Variants in DRC10 observed in about 807,000 individuals in gnomAD.
The protein encoded by DRC10 is IQ domain-containing protein D.
At chr12:113,200,540 A>AC in the DRC10 span, 2 of 576,788 alleles carry the variant, frequency 3.5e-6, no homozygotes, top group Non-Finnish European at 6.1e-6. Flanking sequence ...CCCCCCCACC[A>AC]GGGGCCCCCT....
At chr12:113,205,534 TC>T in the DRC10 span, among the ~76,000 whole-genome samples, 1 of 152,104 alleles carries the variant, frequency 6.6e-6, no homozygotes, top group African/African-American at 2.4e-5. Flanking sequence ...GGTAGTAACC[TC>T]TCTTAGAACC....
chr12:113,208,200 A>G, the DRC10 span: 1 of 1,578,864 alleles, frequency 6.3e-7, no homozygotes, highest in Non-Finnish European at 8.6e-7. Context: ...CTGTAGGTCC[A>G]CAGAGATGGA....
At chr12:113,204,205 A>G in the DRC10 span, among the ~76,000 whole-genome samples, 1 of 152,248 alleles carries the variant, frequency 6.6e-6, no homozygotes, top group Non-Finnish European at 1.5e-5. Flanking sequence ...AATGCACTCA[A>G]GCCTGGGTGA....
the DRC10 span, among the ~76,000 whole-genome samples, chr12:113,196,892 C>T: frequency 2.0e-5 from 3 of 152,268 alleles, no homozygotes; most frequent in South Asian, 2.1e-4. Context: ...ACCGAATCCC[C>T]GCCATGGTCC....
chr12:113,207,927 C>T, the DRC10 span: 5,175 of 1,614,220 alleles, frequency 3.2e-3, 112 homozygotes, highest in African/African-American at 0.056. Flanking sequence ...CCAGCATCCC[C>T]TCCATATCCT....
the DRC10 span, among the ~76,000 whole-genome samples, chr12:113,204,638 G>A: frequency 1.3e-5 from 2 of 152,188 alleles, no homozygotes; most frequent in African/African-American, 4.8e-5. Flanking sequence ...GAAAAAGTTG[G>A]GGCCAGGTGC....
chr12:113,195,588 T>C, the DRC10 span: 1 of 1,597,576 alleles, frequency 6.3e-7, no homozygotes, highest in Non-Finnish European at 8.5e-7. Flanking sequence ...TTTCTTGCCC[T>C]TGCCCTTCTC....
At chr12:113,195,665 G>A in the DRC10 span, 1 of 1,613,352 alleles carries the variant, frequency 6.2e-7, no homozygotes, top group Non-Finnish European at 8.5e-7. Flanking sequence ...TCTTGGATCT[G>A]AGCAGGGAGC....
chr12:113,212,205 G>A, the DRC10 span, among the ~76,000 whole-genome samples: 8 of 152,072 alleles, frequency 5.3e-5, no homozygotes, highest in Non-Finnish European at 1.2e-4. Context: ...AAGTAGCTGG[G>A]ATTACAGGCG....
At chr12:113,201,151 G>A in the DRC10 span, among the ~76,000 whole-genome samples, 12,736 of 151,524 alleles carry the variant, frequency 0.084, 632 homozygotes, top group East Asian at 0.21. Context: ...AAAAAAAAAA[G>A]CAACTCTCCA....
chr12:113,210,931 AG>A, the DRC10 span, among the ~76,000 whole-genome samples: 1 of 152,366 alleles, frequency 6.6e-6, no homozygotes, highest in East Asian at 1.9e-4. Flanking sequence ...TTTTGAAGAA[AG>A]AATCATTAGG....
chr12:113,208,548 G>A, the DRC10 span: 1 of 201,900 alleles, frequency 5.0e-6, no homozygotes, highest in Non-Finnish European at 9.9e-6. Flanking sequence ...CATCAGTGAT[G>A]GGAGAGTTGA....
chr12:113,197,174 C>T, the DRC10 span, among the ~76,000 whole-genome samples: 1 of 149,526 alleles, frequency 6.7e-6, no homozygotes, highest in East Asian at 2.0e-4. Flanking sequence ...GAGTGTCAGG[C>T]CCTTCTAGCC....
chr12:113,214,521 AAAAAAAAGAG>A, the DRC10 span, among the ~76,000 whole-genome samples: 3 of 151,714 alleles, frequency 2.0e-5, no homozygotes, highest in South Asian at 2.1e-4. Flanking sequence ...AAAAAAAAAA[AAAAAAAAGAG>A]AAAAAAAGAG....
At chr12:113,210,112 G>A in the DRC10 span, among the ~76,000 whole-genome samples, 2 of 152,112 alleles carry the variant, frequency 1.3e-5, no homozygotes, top group African/African-American at 4.8e-5. Flanking sequence ...CTCCGGCCTG[G>A]GCAACAGAAT....
the DRC10 span, chr12:113,203,071 G>A: frequency 6.6e-6 from 3 of 453,714 alleles, no homozygotes; most frequent in African/African-American, 6.0e-5. Flanking sequence ...CTGCAGCCAG[G>A]CTGGAGTACA....
the DRC10 span, among the ~76,000 whole-genome samples, chr12:113,199,471 T>G: frequency 7.9e-5 from 12 of 152,270 alleles, no homozygotes; most frequent in East Asian, 2.3e-3. Context: ...TTGGGCACCA[T>G]GGGTAGGCCG....
the DRC10 span, among the ~76,000 whole-genome samples, chr12:113,217,511 G>C: frequency 6.6e-6 from 1 of 152,110 alleles, no homozygotes; most frequent in Non-Finnish European, 1.5e-5. Context: ...AACAATCTCT[G>C]CTTCCACTCA....
chr12:113,209,863 C>T, the DRC10 span, among the ~76,000 whole-genome samples: 1 of 152,354 alleles, frequency 6.6e-6, no homozygotes, highest in Admixed American at 6.5e-5. Context: ...TGGTAGCTCA[C>T]ACCTGTAATC....
Sources: gnomAD v4.1 joint callset for allele counts (sites outside exome capture counted in the v4.1 genomes callset) on GRCh38, gnomAD v4.1.1 for gene constraint, MANE v1.5 for transcripts, NCBI Gene and HGNC (gene_info 2026-07-23, HGNC 2026-07-21) for gene names.